The following PACRG variants were observed in gnomAD, a reference collection of about 807,000 sequenced individuals.
PACRG encodes parkin coregulated gene protein.
Under a neutral mutation model 29.7 loss-of-function variants are expected in PACRG, and 29 were observed. The ratio of observed to expected loss-of-function variants is 0.98; its 90% confidence interval spans 0.73 to 1.33. PACRG has a LOEUF of 1.33. Ranked by LOEUF, PACRG falls within the 40% of genes most tolerant of loss-of-function variation. The pLI, the probability that PACRG is intolerant of heterozygous loss-of-function variation, is 0.00. For missense variants in PACRG, 279 were observed against 316.2 expected (o/e 0.88, Z 0.89); for synonymous variants, 116 against 118.7 (o/e 0.98, Z 0.15).
chr6:163,190,221 G>C (rs1460309278), intron 4 of PACRG: 1 of 152,188 alleles, frequency 6.6e-6, no homozygotes, highest in African/African-American at 2.4e-5. Context: ...CAGAAAACTT[G>C]CCTAAATATA....
intron 2 of PACRG, among the ~76,000 whole-genome samples, chr6:163,059,043 C>T (rs2477447): frequency 0.028 from 4,293 of 151,596 alleles, 89 homozygotes; most frequent in Non-Finnish European, 0.044. Context: ...CGCACCACTG[C>T]CCTCCAGGCT....
chr6:162,748,356 G>C (rs1781251539), intron 1 of PACRG, among the ~76,000 whole-genome samples: 2 of 152,108 alleles, frequency 1.3e-5, no homozygotes, highest in Non-Finnish European at 2.9e-5. Flanking sequence ...AGCCAGGCGT[G>C]GTGGCACCTG....
rs561279048 is a variant in PACRG at position 162,949,052 on chromosome 6, C to A, written c.292-113098C>A. ...AGTATATCAAAAAGATATCTGCACC[C>A]CATCTTTATTGCAGCACTACTCACA... On this transcript the variant is annotated intron_variant, in intron 2 of 4. Coordinates refer to ENST00000366888, the MANE Select transcript of PACRG (RefSeq NM_001080379.2). 3.1e-4 allele frequency among the ~76,000 whole-genome samples: 47 copies of A among 152,206 alleles called. No individual in the cohort carries two copies. In the South Asian group the frequency reaches 9.3e-3, roughly 30 times the overall value.
chr6:162,864,836 C>T lies in PACRG; in HGVS notation c.291+50555C>T, dbSNP rs142497379. Among the ~76,000 whole-genome samples, 723 of 152,276 alleles carry T rather than the reference C, an allele frequency of 4.7e-3. 7 individuals are homozygous for T. Among genetic ancestry groups the T allele is most frequent in the Non-Finnish European group, 8.9e-3 (608 of 68,018 alleles). On this transcript the variant is annotated intron_variant, in intron 2 of 4. Transcript: ENST00000366888. ...CTGAGTACTGACTACATGTACTAGACGTTTGTTGTGAGCAAGTTTCATATA... is the reference window on the plus strand; with the variant it reads ...CTGAGTACTGACTACATGTACTAGATGTTTGTTGTGAGCAAGTTTCATATA...
At chr6:163,070,646 A>G (rs1811954606) in intron 3 of PACRG, among the ~76,000 whole-genome samples, 1 of 152,026 alleles carries the variant, frequency 6.6e-6, no homozygotes, top group African/African-American at 2.4e-5. Context: ...GAAGGAATAG[A>G]AGATCACAAA....
chr6:162,779,566 C>T (rs1369132543), intron 1 of PACRG, among the ~76,000 whole-genome samples: 1 of 152,206 alleles, frequency 6.6e-6, no homozygotes, highest in Non-Finnish European at 1.5e-5. Flanking sequence ...AACATTGTAA[C>T]AGCTTCACCT....
chr6:162,844,598 A>G (rs565308667), intron 2 of PACRG, among the ~76,000 whole-genome samples: 13 of 152,298 alleles, frequency 8.5e-5, no homozygotes, highest in Non-Finnish European at 1.6e-4. Flanking sequence ...AGCTGTTCCT[A>G]TTGCGCCATC....
rs775392703 is a variant in PACRG, at chr6:163,271,484, C to T, written c.614-43343C>T. Reference sequence around the variant, plus strand: ...TTCCCAATTCATGTTTATAAAGGGACTTGCCTAGATCTTTTGTGACTTTAC... The same window carrying T: ...TTCCCAATTCATGTTTATAAAGGGATTTGCCTAGATCTTTTGTGACTTTAC... On this transcript the variant is annotated intron_variant, in intron 4 of 4. Coordinates refer to ENST00000366888, the MANE Select transcript of PACRG (RefSeq NM_001080379.2). 2.8e-4 allele frequency among the ~76,000 whole-genome samples: 43 copies of T among 152,118 alleles called. 1 individual carries two copies. Among genetic ancestry groups the T allele is most frequent in the Non-Finnish European group, 4.7e-4 (32 of 68,020 alleles).
At chr6:163,272,688 T>A (rs916413821) in intron 4 of PACRG, among the ~76,000 whole-genome samples, 2 of 152,098 alleles carry the variant, frequency 1.3e-5, no homozygotes, top group Non-Finnish European at 2.9e-5. Context: ...GTATTTTAAC[T>A]TATAAAGGCA....
At chr6:163,050,287 A>C (rs979004262) in intron 2 of PACRG, among the ~76,000 whole-genome samples, 1 of 151,974 alleles carries the variant, frequency 6.6e-6, no homozygotes, top group Non-Finnish European at 1.5e-5. Context: ...TAATATGCTT[A>C]ATTATTTGAT....
intron 4 of PACRG, among the ~76,000 whole-genome samples, chr6:163,256,353 A>T (rs376530702): frequency 1.3e-5 from 2 of 152,362 alleles, no homozygotes; most frequent in South Asian, 2.1e-4. Flanking sequence ...AACAGTGAAC[A>T]GCTTGGCTGT....
intron 2 of PACRG, among the ~76,000 whole-genome samples, chr6:162,871,281 G>A (rs1047930265): frequency 3.3e-5 from 5 of 152,174 alleles, no homozygotes; most frequent in African/African-American, 1.2e-4. Flanking sequence ...ATTTTATGAA[G>A]TTATAGTTTG....
intron 4 of PACRG, chr6:163,095,198 G>T: frequency 2.1e-6 from 2 of 939,752 alleles, no homozygotes; most frequent in Non-Finnish European, 2.5e-6. Flanking sequence ...ATGCTTATGA[G>T]GTTAAATGCC....
chr6:163,246,941 AG>A (rs1349688558), intron 4 of PACRG, among the ~76,000 whole-genome samples: 1 of 152,242 alleles, frequency 6.6e-6, no homozygotes, highest in African/African-American at 2.4e-5. Context: ...TTCTAAGTGA[AG>A]GTCACACAGT....
intron 4 of PACRG, among the ~76,000 whole-genome samples, chr6:163,222,460 G>A (rs994243279): frequency 1.7e-4 from 26 of 152,154 alleles, no homozygotes; most frequent in African/African-American, 5.5e-4. Context: ...GGTGCCTGTC[G>A]TCCCAGCTAC....
chr6:163,229,490 A>G (rs1264334446), intron 4 of PACRG, among the ~76,000 whole-genome samples: 1 of 152,224 alleles, frequency 6.6e-6, no homozygotes, highest in African/African-American at 2.4e-5. Flanking sequence ...TCATCATTTT[A>G]TGGTTTAGCA....
chr6:163,116,710 G>T (rs1237351760), intron 4 of PACRG, among the ~76,000 whole-genome samples: 3 of 152,168 alleles, frequency 2.0e-5, no homozygotes, highest in African/African-American at 7.2e-5. Flanking sequence ...GTTTGCACCA[G>T]GATAATGGAG....
At chr6:162,859,811 C>A (rs1355579358) in intron 2 of PACRG, among the ~76,000 whole-genome samples, 1 of 152,094 alleles carries the variant, frequency 6.6e-6, no homozygotes, top group Non-Finnish European at 1.5e-5. Context: ...TTCCTGGAAC[C>A]TATGCAAAAA....
At chr6:163,280,230 G>A (rs1389639470) in intron 4 of PACRG, among the ~76,000 whole-genome samples, 1 of 152,210 alleles carries the variant, frequency 6.6e-6, no homozygotes, top group Non-Finnish European at 1.5e-5. Flanking sequence ...TCTAGAAGCT[G>A]TGTTGTTGCT....
Sources: gnomAD v4.1 joint callset for allele counts (sites outside exome capture counted in the v4.1 genomes callset) on GRCh38, gnomAD v4.1.1 for gene constraint, MANE v1.5 for transcripts, NCBI Gene and HGNC (gene_info 2026-07-23, HGNC 2026-07-21) for gene names.